Variants in PLEKHD1 observed in about 807,000 individuals in gnomAD.
PLEKHD1 encodes pleckstrin homology domain-containing family D member 1.
Under a neutral mutation model 69.2 loss-of-function variants are expected in PLEKHD1, and 51 were observed. The observed-to-expected ratio is 0.74, with a 90% CI of 0.59 to 0.93. The LOEUF (loss-of-function observed/expected upper bound fraction) is 0.93. Ranked by LOEUF, PLEKHD1 falls within the 40% of genes least tolerant of loss-of-function variation. PLEKHD1 has a pLI of 0.00. For missense variants in PLEKHD1, 584 were observed against 641.0 expected, an observed-to-expected ratio of 0.91 and a Z score of 0.96; for synonymous variants, 236 against 244.7, an observed-to-expected ratio of 0.96 and a Z score of 0.33.
intron 6 of PLEKHD1, among the ~76,000 whole-genome samples, chr14:69,510,325 C>G (rs1043125196): frequency 6.6e-6 from 1 of 152,186 alleles, no homozygotes; most frequent in Non-Finnish European, 1.5e-5. Context: ...TATTTATGAA[C>G]ATGGACTATC....
intron 1 of PLEKHD1, among the ~76,000 whole-genome samples, chr14:69,494,359 G>A (rs1401126053): frequency 6.6e-6 from 1 of 152,088 alleles, no homozygotes; most frequent in African/African-American, 2.4e-5. Flanking sequence ...TACAGCCTCT[G>A]GCCCATCTGT....
At chr14:69,478,908 C>T in the PLEKHD1 span, among the ~76,000 whole-genome samples, 4 of 152,204 alleles carry the variant, frequency 2.6e-5, no homozygotes, top group Non-Finnish European at 5.9e-5. Flanking sequence ...CAGCAGCACC[C>T]TACTCTACTG....
chr14:69,520,166 CAAAAAAAAAAAA>C (rs761343645), intron 6 of PLEKHD1, among the ~76,000 whole-genome samples: 17 of 20,512 alleles, frequency 8.3e-4, no homozygotes, highest in Admixed American at 2.9e-3. Context: ...GACTCTGTCT[CAAAAAAAAAAAA>C]AAAAAAAAAA....
At chr14:69,519,986 A>C (rs1027825899) in intron 6 of PLEKHD1, among the ~76,000 whole-genome samples, 5 of 151,562 alleles carry the variant, frequency 3.3e-5, no homozygotes, top group African/African-American at 9.7e-5. Context: ...ACATGGTAGA[A>C]CCCCCGCTGA....
At chr14:69,515,188 ACT>A (rs1883357165) in intron 6 of PLEKHD1, among the ~76,000 whole-genome samples, 1 of 152,192 alleles carries the variant, frequency 6.6e-6, no homozygotes, top group East Asian at 1.9e-4. Context: ...ACAGAGCGAG[ACT>A]CTGTCTCAAC....
chr14:69,513,910 A>T (rs1883325561), intron 6 of PLEKHD1, among the ~76,000 whole-genome samples: 1 of 151,902 alleles, frequency 6.6e-6, no homozygotes, highest in African/African-American at 2.4e-5. Context: ...TAAATATTTC[A>T]CTCCATTCTT....
chr14:69,501,187 C>T, intron 4 of PLEKHD1: 1 of 572,052 alleles, frequency 1.7e-6, no homozygotes. Context: ...TTGTCTCCAA[C>T]TCTTGGGAGT....
the PLEKHD1 span, among the ~76,000 whole-genome samples, chr14:69,478,626 G>A: frequency 2.6e-5 from 4 of 152,086 alleles, no homozygotes; most frequent in Non-Finnish European, 2.9e-5. Flanking sequence ...TCTAGGGCAG[G>A]GGCAAAATGC....
the PLEKHD1 span, among the ~76,000 whole-genome samples, chr14:69,468,334 A>C: frequency 6.0e-4 from 91 of 152,370 alleles, 3 homozygotes; most frequent in South Asian, 0.019. Flanking sequence ...ACCAGACTGC[A>C]TGTGGCAGAT....
chr14:69,509,965 T>A (rs1883235405), intron 6 of PLEKHD1, among the ~76,000 whole-genome samples: 1 of 152,066 alleles, frequency 6.6e-6, no homozygotes, highest in Non-Finnish European at 1.5e-5. Context: ...GCTTTTCCAA[T>A]ACTATTGTAC....
intron 1 of PLEKHD1, among the ~76,000 whole-genome samples, chr14:69,486,299 C>A (rs183336553): frequency 3.3e-5 from 5 of 152,326 alleles, no homozygotes; most frequent in Admixed American, 2.6e-4. Context: ...GACCGCAGAA[C>A]AAATGGAGCT....
chr14:69,479,395 A>C, the PLEKHD1 span, among the ~76,000 whole-genome samples: 1 of 152,222 alleles, frequency 6.6e-6, no homozygotes, highest in Non-Finnish European at 1.5e-5. Flanking sequence ...AGAGACTTAC[A>C]GGATCAGCTT....
intron 6 of PLEKHD1, among the ~76,000 whole-genome samples, chr14:69,520,792 A>G (rs1490458307): frequency 6.6e-6 from 1 of 152,230 alleles, no homozygotes; most frequent in Non-Finnish European, 1.5e-5. Context: ...TCTTGTATAT[A>G]GACACTGGTT....
At chr14:69,505,613 T>A (rs1485728206) in intron 6 of PLEKHD1, among the ~76,000 whole-genome samples, 5 of 152,298 alleles carry the variant, frequency 3.3e-5, no homozygotes, top group Non-Finnish European at 7.4e-5. Flanking sequence ...GAGCTTCAAT[T>A]TCCCCCCATC....
chr14:69,503,012 A>G, intron 6 of PLEKHD1, 133 bp downstream of exon 6: 1 of 1,009,050 alleles, frequency 9.9e-7, no homozygotes, highest in Non-Finnish European at 1.5e-6. Flanking sequence ...CGGGGAGGCC[A>G]AATGGGATCA....
chr14:69,523,587 A>T (rs1449057855), intron 7 of PLEKHD1, among the ~76,000 whole-genome samples: 1 of 152,214 alleles, frequency 6.6e-6, no homozygotes, highest in Admixed American at 6.5e-5. Context: ...ACTCATACCC[A>T]GGAAACATTA....
chr14:69,509,959 T>C (rs1010733459), intron 6 of PLEKHD1, among the ~76,000 whole-genome samples: 1 of 152,156 alleles, frequency 6.6e-6, no homozygotes, highest in Non-Finnish European at 1.5e-5. Flanking sequence ...AGACTGGCTT[T>C]TCCAATACTA....
intron 6 of PLEKHD1, among the ~76,000 whole-genome samples, chr14:69,513,710 A>G (rs898077410): frequency 1.1e-4 from 16 of 152,166 alleles, no homozygotes; most frequent in African/African-American, 3.4e-4. Flanking sequence ...CCTTATGTAG[A>G]TATGAGTTTC....
chr14:69,506,891 CTTTTTTTTTTTT>C (rs1162412450), intron 6 of PLEKHD1, among the ~76,000 whole-genome samples: 16 of 78,066 alleles, frequency 2.0e-4, no homozygotes, highest in Non-Finnish European at 2.8e-4. Context: ...CTGGCAACTG[CTTTTTTTTTTTT>C]TTTTTTTTTT....
Sources: allele counts gnomAD v4.1 joint callset (sites outside exome capture counted in the v4.1 genomes callset), GRCh38; gene constraint gnomAD v4.1.1; transcripts MANE v1.5; gene names NCBI Gene and HGNC (gene_info 2026-07-23, HGNC 2026-07-21).